The following RBFOX1 variants were observed in gnomAD, a reference collection of about 807,000 sequenced individuals.
RBFOX1 encodes the protein RNA binding fox-1 homolog 1.
Under a neutral mutation model 57.7 loss-of-function variants are expected in RBFOX1, and 8 were observed. The ratio of observed to expected loss-of-function variants is 0.14; its 90% CI spans 0.08 to 0.25. The LOEUF is 0.25. Ranked by LOEUF, RBFOX1 falls within the 10% of genes least tolerant of loss-of-function variation. The probability of loss-of-function intolerance (pLI) is 1.00; values close to 1 mark genes in which losing one functional copy is unlikely to be tolerated. For synonymous variants in RBFOX1, 326 were observed against 222.4 expected, an observed-to-expected ratio of 1.47 and a Z score of -4.15; for missense variants, 611 against 548.5, an observed-to-expected ratio of 1.11 and a Z score of -1.14.
At chr16:5,626,565 G>T (rs2048356341) in intron 3 of RBFOX1, among the ~76,000 whole-genome samples, 1 of 152,154 alleles carries the variant, frequency 6.6e-6, no homozygotes, top group African/African-American at 2.4e-5. Flanking sequence ...TAACCAAAAA[G>T]ATCCTGGAAT....
intron 3 of RBFOX1, among the ~76,000 whole-genome samples, chr16:6,944,939 C>T (rs1332418355): frequency 2.0e-5 from 3 of 152,236 alleles, no homozygotes; most frequent in African/African-American, 4.8e-5. Context: ...TGAAGACAGT[C>T]TGAAAAGTGG....
intron 3 of RBFOX1, among the ~76,000 whole-genome samples, chr16:5,818,678 A>G (rs1006406851): frequency 1.1e-4 from 16 of 152,238 alleles, no homozygotes; most frequent in African/African-American, 3.4e-4. Flanking sequence ...TGGGAGGAAG[A>G]AAACAGAGAG....
intron 4 of RBFOX1, among the ~76,000 whole-genome samples, chr16:7,453,355 G>A (rs1183015922): frequency 6.6e-6 from 1 of 152,090 alleles, no homozygotes; most frequent in African/African-American, 2.4e-5. Context: ...TGTCCTCATA[G>A]TTGAGCTAGG....
intron 3 of RBFOX1, among the ~76,000 whole-genome samples, chr16:6,845,693 G>T (rs569250330): frequency 4.6e-5 from 7 of 152,090 alleles, no homozygotes; most frequent in African/African-American, 1.7e-4. Flanking sequence ...TCACCAGAAC[G>T]TTCCAGGCCT....
At chr16:6,578,008 C>A (rs766995985) in intron 2 of RBFOX1, among the ~76,000 whole-genome samples, 9 of 152,168 alleles carry the variant, frequency 5.9e-5, no homozygotes, top group Non-Finnish European at 1.2e-4. Flanking sequence ...AAGGGTGTCA[C>A]CCAACAGTGC....
At chr16:7,041,070 C>T (rs969975118) in intron 3 of RBFOX1, among the ~76,000 whole-genome samples, 1 of 147,736 alleles carries the variant, frequency 6.8e-6, no homozygotes, top group Non-Finnish European at 1.5e-5. Flanking sequence ...CAAGTGCCAA[C>T]ACGCCCAGCT....
intron 4 of RBFOX1, among the ~76,000 whole-genome samples, chr16:7,211,256 G>C (rs1048770699): frequency 6.6e-6 from 1 of 151,798 alleles, no homozygotes; most frequent in Non-Finnish European, 1.5e-5. Context: ...GCCAGGTGTG[G>C]TGGTGGGCCC....
At chr16:7,087,845 G>C (rs1349267322) in intron 4 of RBFOX1, among the ~76,000 whole-genome samples, 2 of 152,098 alleles carry the variant, frequency 1.3e-5, no homozygotes, top group African/African-American at 2.4e-5. Context: ...CTTTCAAGAT[G>C]ATGATGTATT....
intron 3 of RBFOX1, among the ~76,000 whole-genome samples, chr16:7,023,022 G>A (rs577168030): frequency 2.9e-4 from 44 of 152,130 alleles, no homozygotes; most frequent in Non-Finnish European, 5.0e-4. Context: ...TGTGAAGGTT[G>A]AAAAATAAGA....
At chr16:6,862,738 G>A (rs191820921) in intron 3 of RBFOX1, among the ~76,000 whole-genome samples, 1 of 152,196 alleles carries the variant, frequency 6.6e-6, no homozygotes, top group South Asian at 2.1e-4. Flanking sequence ...TAATCCCGGC[G>A]CTTTGTAAGG....
At chr16:6,881,885 C>G (rs1182580441) in intron 3 of RBFOX1, among the ~76,000 whole-genome samples, 1 of 152,160 alleles carries the variant, frequency 6.6e-6, no homozygotes, top group Non-Finnish European at 1.5e-5. Context: ...AAAAGTTTCA[C>G]AGCTGGAGTT....
intron 1 of RBFOX1, among the ~76,000 whole-genome samples, chr16:5,424,683 T>G (rs1329561927): frequency 6.6e-6 from 1 of 152,032 alleles, no homozygotes; most frequent in African/African-American, 2.4e-5. Context: ...CTTAACTATT[T>G]TATTTTAGAT....
chr16:7,467,047 A>G (rs896393683), intron 4 of RBFOX1, among the ~76,000 whole-genome samples: 2 of 152,238 alleles, frequency 1.3e-5, no homozygotes, highest in African/African-American at 4.8e-5. Context: ...ATGTAGCTTC[A>G]GAATATTTAG....
At chr16:5,506,163 G>T (rs1390842704) in intron 2 of RBFOX1, among the ~76,000 whole-genome samples, 1 of 152,138 alleles carries the variant, frequency 6.6e-6, no homozygotes, top group African/African-American at 2.4e-5. Flanking sequence ...TAATGTGCCT[G>T]TCTTCACAGT....
intron 1 of RBFOX1, among the ~76,000 whole-genome samples, chr16:5,271,882 A>G (rs776233099): frequency 1.3e-5 from 2 of 152,188 alleles, no homozygotes; most frequent in Non-Finnish European, 2.9e-5. Context: ...ATTTCACTTA[A>G]CACAGTGTCT....
Position 7,265,964 on chromosome 16 carries a change from G to A in RBFOX1, c.27+213866G>A, listed in dbSNP as rs28859965. Among the ~76,000 whole-genome samples, 45 of 70,256 alleles carry A rather than the reference G, an allele frequency of 6.4e-4. 2 individuals are homozygous for A. Among genetic ancestry groups the A allele is most frequent in the Admixed American group, 2.3e-3 (14 of 6,164 alleles). 46.1% of individuals were successfully genotyped at this position (70,256 alleles called of 152,430 possible). A position where few individuals can be genotyped will look rare whatever the true frequency, so the allele number is the denominator to read the frequency against. On this transcript the variant is annotated intron_variant, in intron 4 of 15. Coordinates refer to ENST00000550418, the MANE Select transcript of RBFOX1 (RefSeq NM_018723.4). ...GAGTTATGAGATCTGGTGGGTTTTTGTTTTTTTTTTTTTTTTTTTTTTTTT... is the reference window on the plus strand; with the variant it reads ...GAGTTATGAGATCTGGTGGGTTTTTATTTTTTTTTTTTTTTTTTTTTTTTT...
intron 3 of RBFOX1, among the ~76,000 whole-genome samples, chr16:5,711,003 A>T (rs1413490973): frequency 6.6e-6 from 1 of 152,218 alleles, no homozygotes; most frequent in Non-Finnish European, 1.5e-5. Context: ...GCCTGACCCT[A>T]GGGTAAGTGG....
rs918262220 is a variant in RBFOX1 at position 7,253,305 on chromosome 16, C to G, written c.27+201207C>G. Reference sequence around the variant, plus strand: ...AGTTCTGTGGAGCTATTCAGAAATTCGTGTTGATGTCAGTGGCAACAAGGA... The same window carrying G: ...AGTTCTGTGGAGCTATTCAGAAATTGGTGTTGATGTCAGTGGCAACAAGGA... On this transcript the variant is annotated intron_variant, in intron 4 of 15. Transcript: ENST00000550418. Among the ~76,000 whole-genome samples the G allele has an allele frequency of 2.6e-5, 4 of 152,162 alleles. No individual in the cohort carries two copies. In the South Asian group the frequency reaches 8.3e-4, roughly 32 times the overall value.
At chr16:6,824,983 G>GGTTTTTTTT (rs2091913965) in intron 3 of RBFOX1, among the ~76,000 whole-genome samples, 3 of 36,880 alleles carry the variant, frequency 8.1e-5, no homozygotes, top group African/African-American at 1.4e-4. Flanking sequence ...TTCTTTCTTG[G>GGTTTTTTTT]TTTTTTTTTT....
Sources: allele counts gnomAD v4.1 joint callset (sites outside exome capture counted in the v4.1 genomes callset), GRCh38; gene constraint gnomAD v4.1.1; transcripts MANE v1.5; gene names NCBI Gene and HGNC (gene_info 2026-07-23, HGNC 2026-07-21).